The following VPS26A variants were observed in gnomAD, a reference collection of about 807,000 sequenced individuals.
VPS26A encodes VPS26 retromer complex component A, also known as vacuolar protein sorting-associated protein 26A.
A neutral mutation model predicts 42.4 loss-of-function variants in VPS26A; 22 were observed. The ratio of observed to expected loss-of-function variants is 0.52; its 90% CI spans 0.37 to 0.74. The LOEUF is 0.74. VPS26A is among the 30% of genes least tolerant of loss of function. The probability of loss-of-function intolerance (pLI) is 0.00; values close to 1 mark genes in which losing one functional copy is unlikely to be tolerated. For synonymous variants in VPS26A, 110 were observed against 123.5 expected, an observed-to-expected ratio of 0.89 and a Z score of 0.73; for missense variants, 276 against 379.2, an observed-to-expected ratio of 0.73 and a Z score of 2.26.
At chr10:69,136,983 C>T (rs991353295) in intron 2 of VPS26A, among the ~76,000 whole-genome samples, 1 of 150,738 alleles carries the variant, frequency 6.6e-6, no homozygotes, top group South Asian at 2.1e-4. Context: ...GTAGAGATGG[C>T]GTTTCACCAT....
chr10:69,173,827 T>C lies in VPS26A; in HGVS notation c.*2558T>C, dbSNP rs1208149522. 2.0e-5 allele frequency among the ~76,000 whole-genome samples: 3 copies of C among 152,024 alleles called. No homozygotes were observed. The highest frequency in any genetic ancestry group is 7.2e-5 in the African/African-American group (3 of 41,400). On this transcript the variant is annotated 3_prime_UTR_variant, in exon 9 of 9. Transcript: ENST00000263559. Reference sequence around the variant, plus strand: ...ACCAGCCTGACCAACGTGGAGAAACTCCATCTCTACCAAAAATGCATTAGT... The same window carrying C: ...ACCAGCCTGACCAACGTGGAGAAACCCCATCTCTACCAAAAATGCATTAGT...
chr10:69,128,046 G>GGATAATAGAA (rs1840700591), intron 1 of VPS26A, among the ~76,000 whole-genome samples: 1 of 150,950 alleles, frequency 6.6e-6, no homozygotes, highest in Admixed American at 6.6e-5. Context: ...AAATAATAGA[G>GGATAATAGAA]GATAGCACGT....
At chr10:69,126,509 G>T (rs1158085657) in intron 1 of VPS26A, among the ~76,000 whole-genome samples, 1 of 150,082 alleles carries the variant, frequency 6.7e-6, no homozygotes, top group Non-Finnish European at 1.5e-5. Flanking sequence ...AGAGGTTGCA[G>T]TGAGCCGAGA....
intron 6 of VPS26A, among the ~76,000 whole-genome samples, chr10:69,164,323 T>A (rs959052335): frequency 4.6e-5 from 7 of 151,764 alleles, no homozygotes; most frequent in Non-Finnish European, 1.0e-4. Context: ...ACTTGAGCAA[T>A]CCTCCAACCT....
chr10:69,124,943 G>T (rs990596808), intron 1 of VPS26A, among the ~76,000 whole-genome samples: 1 of 152,146 alleles, frequency 6.6e-6, no homozygotes, highest in Non-Finnish European at 1.5e-5. Context: ...TGAACTTAAC[G>T]CTCTGGGTTG....
intron 3 of VPS26A, among the ~76,000 whole-genome samples, chr10:69,156,405 A>C (rs1841430057): frequency 1.3e-5 from 2 of 152,130 alleles, no homozygotes; most frequent in Admixed American, 1.3e-4. Flanking sequence ...TAAACTATAT[A>C]AATCTTTCTA....
chr10:69,125,242 A>G (rs1177427440), intron 1 of VPS26A, among the ~76,000 whole-genome samples: 1 of 152,180 alleles, frequency 6.6e-6, no homozygotes, highest in East Asian at 1.9e-4. Context: ...TACTTTGAAT[A>G]AATAACTTTT....
chr10:69,150,313 C>T (rs1356925494), intron 2 of VPS26A, among the ~76,000 whole-genome samples: 1 of 152,210 alleles, frequency 6.6e-6, no homozygotes, highest in Non-Finnish European at 1.5e-5. Flanking sequence ...ACCTCAGCCT[C>T]CCAAAGTGCT....
At chr10:69,149,900 C>T (rs944450729) in intron 2 of VPS26A, among the ~76,000 whole-genome samples, 13 of 151,514 alleles carry the variant, frequency 8.6e-5, no homozygotes, top group South Asian at 4.1e-4. Context: ...CGTGCCATCA[C>T]GCCCTACTAA....
In VPS26A at chr10:69,166,100, A is replaced by C; in HGVS notation, c.717A>C (p.Ala239=). ...CCAAATATGAAATAATGGATGGTGC[A>C]CCAGTAAAAGGTAACACACTTTTCA... ...TIAKYEIMDG[A]PVKGESIPIR... Residue 239 remains alanine (A), a synonymous_variant, in exon 7 of 9, where the codon GCA becomes GCC. Transcript: ENST00000263559. 1.2e-6 allele frequency: 2 copies of C among 1,614,076 alleles called. No individual in the cohort carries two copies. Among genetic ancestry groups the C allele is most frequent in the Non-Finnish European group, 1.7e-6 (2 of 1,179,946 alleles).
At chr10:69,136,820 C>G (rs1341334497) in intron 2 of VPS26A, among the ~76,000 whole-genome samples, 1 of 146,734 alleles carries the variant, frequency 6.8e-6, no homozygotes, top group Non-Finnish European at 1.5e-5. Context: ...GAGATGGAGT[C>G]TCGCTCTGTT....
At chr10:69,151,277 A>AAAAACAAAACAAAAC (rs1841306121) in intron 2 of VPS26A, among the ~76,000 whole-genome samples, 1 of 131,134 alleles carries the variant, frequency 7.6e-6, no homozygotes, top group African/African-American at 3.1e-5. Context: ...AAAAAAAAAA[A>AAAAACAAAACAAAAC]AAAAAACACA....
intron 2 of VPS26A, among the ~76,000 whole-genome samples, chr10:69,139,021 T>A (rs923274741): frequency 1.3e-5 from 2 of 152,228 alleles, no homozygotes; most frequent in Non-Finnish European, 2.9e-5. Context: ...ATTATATACT[T>A]TATGTGCTTC....
At position 69,149,727 on chromosome 10, in the gene VPS26A, GTTTTTTGTTTTTT is replaced by G. The variant is rs1374911135; in HGVS notation, c.154-6078_154-6066del. Among the ~76,000 whole-genome samples the G allele has an allele frequency of 7.5e-5, 7 of 93,952 alleles. 1 individual carries two copies. The highest frequency in any genetic ancestry group is 2.9e-4 in the African/African-American group (6 of 20,582). 61.6% of individuals were successfully genotyped at this position (93,952 alleles called of 152,430 possible). Reference sequence around the variant, plus strand: ...ACCATGGAATGTTAACTTTCTTGGTGTTTTTTGTTTTTTTTTTTTTTTTTTTTTTTTTTTTTTG... The same window carrying G: ...ACCATGGAATGTTAACTTTCTTGGTGTTTTTTTTTTTTTTTTTTTTTTTTG... On this transcript the variant is annotated intron_variant, in intron 2 of 8. Transcript: ENST00000263559.
intron 3 of VPS26A, among the ~76,000 whole-genome samples, chr10:69,156,264 T>A (rs1370370647): frequency 6.6e-6 from 1 of 151,794 alleles, no homozygotes; most frequent in Non-Finnish European, 1.5e-5. Context: ...AGTGTGTGCC[T>A]GTAGCCAGAC....
At chr10:69,131,059 C>T (rs1398635977) in intron 1 of VPS26A, among the ~76,000 whole-genome samples, 2 of 152,126 alleles carry the variant, frequency 1.3e-5, no homozygotes, top group African/African-American at 2.4e-5. Flanking sequence ...GATCTTGGCT[C>T]ACTGCAACCT....
chr10:69,124,268 G>T lies in VPS26A; in HGVS notation c.-10G>T. The T allele has an allele frequency of 7.8e-7, 1 of 1,280,230 alleles. No homozygotes were observed. The highest frequency in any genetic ancestry group is 9.9e-7 in the Non-Finnish European group (1 of 1,008,074). The allele number at this position is 1,280,230 out of a possible 1,614,324, so 79.3% of individuals were successfully genotyped here. A position where few individuals can be genotyped will look rare whatever the true frequency, so the allele number is the denominator to read the frequency against. ...AGTGGAGTAGGGGGGACGCGGCGGC[G>T]GCGTTGACAATGGTGAGTGCGCGGC... On this transcript the variant is annotated 5_prime_UTR_variant, in exon 1 of 9. Coordinates refer to ENST00000263559, the MANE Select transcript of VPS26A (RefSeq NM_004896.5).
intron 1 of VPS26A, among the ~76,000 whole-genome samples, chr10:69,126,036 A>G (rs945545257): frequency 1.3e-5 from 2 of 152,364 alleles, no homozygotes; most frequent in African/African-American, 2.4e-5. Context: ...ATAGTCATAT[A>G]TATTGCAGTC....
At chr10:69,149,159 A>G (rs1216720455) in intron 2 of VPS26A, among the ~76,000 whole-genome samples, 1 of 152,108 alleles carries the variant, frequency 6.6e-6, no homozygotes, top group African/African-American at 2.4e-5. Context: ...CAAAGGGGAG[A>G]ATAATAACTT....
Sources: allele counts gnomAD v4.1 joint callset (sites outside exome capture counted in the v4.1 genomes callset), GRCh38; gene constraint gnomAD v4.1.1; transcripts MANE v1.5; gene names NCBI Gene and HGNC (gene_info 2026-07-23, HGNC 2026-07-21).